Variants in PROSER2 observed in about 807,000 individuals in gnomAD.
PROSER2 encodes proline and serine rich 2.
A neutral mutation model predicts 14.6 loss-of-function variants in PROSER2; 18 were observed. The ratio of observed to expected loss-of-function variants is 1.23; its 90% CI spans 0.85 to 1.83. The LOEUF is 1.83. Ranked by LOEUF, PROSER2 falls within the 40% of genes most tolerant of loss-of-function variation. The pLI is 0.00. For synonymous variants in PROSER2, 367 were observed against 286.4 expected (o/e 1.28, Z -2.84); for missense variants, 823 against 629.8 (o/e 1.31, Z -3.28).
chr10:11,833,256 T>TTTTTTA (rs1833712897), intron 1 of PROSER2, among the ~76,000 whole-genome samples: 1 of 138,254 alleles, frequency 7.2e-6, no homozygotes, highest in African/African-American at 2.6e-5. Context: ...TTTTTTTTTT[T>TTTTTTA]AGTTCTTTGC....
chr10:11,855,366 G>A (rs1032509469), intron 2 of PROSER2, among the ~76,000 whole-genome samples: 1 of 151,184 alleles, frequency 6.6e-6, no homozygotes, highest in African/African-American at 2.4e-5. Flanking sequence ...CCCAGCTACT[G>A]GGGAGGCTGA....
chr10:11,840,370 T>C (rs188014821), intron 1 of PROSER2, among the ~76,000 whole-genome samples: 1 of 152,342 alleles, frequency 6.6e-6, no homozygotes, highest in African/African-American at 2.4e-5. Context: ...TCTCAAATGC[T>C]TCTTTCATCA....
At chr10:11,843,744 T>TG (rs1048775538) in intron 1 of PROSER2, among the ~76,000 whole-genome samples, 1 of 150,734 alleles carries the variant, frequency 6.6e-6, no homozygotes, top group Non-Finnish European at 1.5e-5. Context: ...CCCAGCTACT[T>TG]GGGAGGCCGA....
intron 1 of PROSER2, among the ~76,000 whole-genome samples, chr10:11,828,867 T>C (rs1366275668): frequency 1.3e-5 from 2 of 152,152 alleles, no homozygotes; most frequent in African/African-American, 2.4e-5. Flanking sequence ...CGATGTGAAT[T>C]GATAACAGAG....
chr10:11,856,676 C>G lies in PROSER2; in HGVS notation c.138+4461C>G, dbSNP rs554150622. Among the ~76,000 whole-genome samples, 1 of 152,344 alleles carries G rather than the reference C, an allele frequency of 6.6e-6. No individual in the cohort carries two copies. The highest frequency in any genetic ancestry group is 6.5e-5 in the Admixed American group (1 of 15,304). On this transcript the variant is annotated intron_variant, in intron 2 of 3. Coordinates refer to ENST00000277570, the MANE Select transcript of PROSER2 (RefSeq NM_153256.4). This position sits in a 1 kb window ranked among gnomAD's most constrained non-coding sequence, Gnocchi z 5.3. ...CCCTACGCCCACAAGTGCTGTGGCC[C>G]TGAAGTCACACAGCGGTCTGTGACC...
rs971634760 is a variant in PROSER2, at chr10:11,856,690, C to T, written c.138+4475C>T. The stretch of plus-strand genomic sequence containing the variant: ...GTGCTGTGGCCCTGAAGTCACACAG[C>T]GGTCTGTGACCAGGCAGCCGGCAGC... On this transcript the variant is annotated intron_variant, in intron 2 of 3. Transcript: ENST00000277570. This position sits in a 1 kb window ranked among gnomAD's most constrained non-coding sequence, Gnocchi z 5.3. Among the ~76,000 whole-genome samples, 50 of 152,372 alleles carry T rather than the reference C, an allele frequency of 3.3e-4. No individual in the cohort carries two copies. The highest frequency in any genetic ancestry group is 9.6e-4 in the African/African-American group (40 of 41,588).
intron 1 of PROSER2, among the ~76,000 whole-genome samples, chr10:11,829,955 C>A (rs553996431): frequency 6.6e-6 from 1 of 151,328 alleles, no homozygotes; most frequent in Admixed American, 6.6e-5. Context: ...GCAATTCTCC[C>A]ACCTCAGCCT....
At chr10:11,839,830 A>T (rs903998154) in intron 1 of PROSER2, among the ~76,000 whole-genome samples, 15 of 151,960 alleles carry the variant, frequency 9.9e-5, no homozygotes, top group Non-Finnish European at 2.2e-4. Flanking sequence ...CTCAAAAAAA[A>T]AAAAAAAAGA....
intron 1 of PROSER2, among the ~76,000 whole-genome samples, chr10:11,834,284 C>T (rs1343019561): frequency 6.6e-6 from 1 of 151,414 alleles, no homozygotes. Context: ...TGAGCCACCG[C>T]GCCTGGCCAT....
intron 1 of PROSER2, chr10:11,849,569 A>C (rs1377791506): frequency 6.6e-6 from 1 of 152,266 alleles, no homozygotes; most frequent in African/African-American, 2.4e-5. Context: ...TGCTTAGGCT[A>C]GAAAGGAAGA....
chr10:11,834,046 G>A (rs1430710346), intron 1 of PROSER2, among the ~76,000 whole-genome samples: 1 of 137,986 alleles, frequency 7.2e-6, no homozygotes, highest in Non-Finnish European at 1.5e-5. Flanking sequence ...CTAGGCTGGA[G>A]TGCAGTGGTG....
At chr10:11,829,656 G>A (rs1833664076) in intron 1 of PROSER2, among the ~76,000 whole-genome samples, 1 of 151,804 alleles carries the variant, frequency 6.6e-6, no homozygotes, top group Middle Eastern at 3.4e-3. Flanking sequence ...TGACTTAGAG[G>A]CGCTGTACCG....
chr10:11,832,947 A>G (rs1431793062), intron 1 of PROSER2, among the ~76,000 whole-genome samples: 2 of 152,062 alleles, frequency 1.3e-5, no homozygotes, highest in African/African-American at 4.8e-5. Context: ...AATTCAAGCA[A>G]TTATCCCACC....
chr10:11,860,658 A>G (rs1834218704), intron 2 of PROSER2, among the ~76,000 whole-genome samples: 1 of 151,918 alleles, frequency 6.6e-6, no homozygotes, highest in Non-Finnish European at 1.5e-5. Flanking sequence ...TATACAAATA[A>G]TAAGAAGAGG....
At chr10:11,853,953 G>A (rs142283363) in intron 2 of PROSER2, among the ~76,000 whole-genome samples, 2 of 152,258 alleles carry the variant, frequency 1.3e-5, no homozygotes, top group Non-Finnish European at 2.9e-5. Flanking sequence ...CTCTCTGTCT[G>A]TTCCCTGCCG....
Position 11,851,513 on chromosome 10 carries a change from G to A in PROSER2, c.-81-484G>A, listed in dbSNP as rs1292310531. On this transcript the variant is annotated intron_variant, in intron 1 of 3. Transcript: ENST00000277570. The stretch of plus-strand genomic sequence containing the variant: ...AGCAACCACAGTTTATGGTGGCTGA[G>A]GCAGAAAAGCCAGGAAGAGCCTGAG... 3.3e-5 allele frequency: 5 copies of A among 152,322 alleles called. 1 individual carries two copies. The highest frequency in any genetic ancestry group is 6.8e-3 in the Middle Eastern group (2 of 294). 9.4% of individuals were successfully genotyped at this position (152,322 alleles called of 1,614,324 possible). A position where few individuals can be genotyped will look rare whatever the true frequency, so the allele number is the denominator to read the frequency against.
At chr10:11,852,269 C>T (rs948150190) in intron 2 of PROSER2, 54 bp downstream of exon 2, 1 of 1,531,204 alleles carries the variant, frequency 6.5e-7, no homozygotes, top group East Asian at 2.4e-5. Context: ...GTGGATTTTG[C>T]CTCAATCCCT....
Position 11,869,274 on chromosome 10 carries a change from G to C in PROSER2, c.392-216G>C, listed in dbSNP as rs532602040. 1.7e-6 allele frequency: 1 copy of C among 595,050 alleles called. No homozygotes were observed. The highest frequency in any genetic ancestry group is 2.0e-5 in the South Asian group (1 of 50,250). The allele number at this position is 595,050 out of a possible 1,614,324, so 36.9% of individuals were successfully genotyped here. On this transcript the variant is annotated intron_variant, in intron 3 of 3. Transcript: ENST00000277570. This position sits in a 1 kb window ranked among gnomAD's most constrained non-coding sequence, Gnocchi z 4.4. Reference sequence around the variant, plus strand: ...GGACTGTCTGACTTGCAGGGCTATCGTGATTGTCCCTTATCAGCGTGAGGT... The same window carrying C: ...GGACTGTCTGACTTGCAGGGCTATCCTGATTGTCCCTTATCAGCGTGAGGT...
At chr10:11,853,009 C>A (rs1400158009) in intron 2 of PROSER2, among the ~76,000 whole-genome samples, 1 of 152,116 alleles carries the variant, frequency 6.6e-6, no homozygotes, top group Admixed American at 6.5e-5. Flanking sequence ...TGAGGACATT[C>A]ATCTTTCAAG....
Sources: gnomAD v4.1 joint callset for allele counts (sites outside exome capture counted in the v4.1 genomes callset) on GRCh38, gnomAD v4.1.1 for gene constraint, Gnocchi (gnomAD v3.1) non-coding constraint, MANE v1.5 for transcripts, NCBI Gene and HGNC (gene_info 2026-07-23, HGNC 2026-07-21) for gene names.